The following CSMD1 variants were observed in gnomAD, a reference collection of about 807,000 sequenced individuals.
CSMD1 encodes CUB and Sushi multiple domains 1.
Under a neutral mutation model 417.5 loss-of-function variants are expected in CSMD1, and 213 were observed. That is an observed-to-expected ratio of 0.51 (90% CI 0.46 to 0.57). The LOEUF is 0.57. CSMD1 is among the 20% of genes least tolerant of loss of function. The pLI is 0.00. For missense variants in CSMD1, 6,923 were observed against 4,529.7 expected (o/e 1.53, Z -15.17); for synonymous variants, 2,862 against 1,736.8 (o/e 1.65, Z -16.11).
intron 3 of CSMD1, among the ~76,000 whole-genome samples, chr8:4,163,047 T>G (rs923876329): frequency 6.6e-6 from 1 of 152,216 alleles, no homozygotes; most frequent in Admixed American, 6.5e-5. Flanking sequence ...GTTCACTCTA[T>G]GTCTTTGCAT....
At chr8:3,258,062 C>A (rs1464983088) in intron 26 of CSMD1, among the ~76,000 whole-genome samples, 1 of 152,086 alleles carries the variant, frequency 6.6e-6, no homozygotes, top group African/African-American at 2.4e-5. Flanking sequence ...GACAGGGCCC[C>A]ATTCTCATAA....
At chr8:4,220,301 T>G (rs1433950218) in intron 3 of CSMD1, among the ~76,000 whole-genome samples, 1 of 152,176 alleles carries the variant, frequency 6.6e-6, no homozygotes, top group Non-Finnish European at 1.5e-5. Flanking sequence ...ACAAGGTTAT[T>G]TGACTGGAAA....
intron 5 of CSMD1, among the ~76,000 whole-genome samples, chr8:3,831,684 T>C (rs568926796): frequency 1.3e-5 from 2 of 152,172 alleles, no homozygotes; most frequent in Non-Finnish European, 2.9e-5. Flanking sequence ...CGGCAAAGGA[T>C]ATATGTTTGG....
intron 3 of CSMD1, among the ~76,000 whole-genome samples, chr8:4,201,540 C>CAAAAAAAAAAAAAAAAAA (rs1157479482): frequency 1.7e-5 from 1 of 59,030 alleles, no homozygotes; most frequent in Non-Finnish European, 2.8e-5. Flanking sequence ...TCTGTCTCCA[C>CAAAAAAAAAAAAAAAAAA]AAAAAAAAAA....
chr8:3,556,522 A>G lies in CSMD1; in HGVS notation c.1344+18423T>C, dbSNP rs1239727240. Among the ~76,000 whole-genome samples, 43 of 101,792 alleles carry G rather than the reference A, an allele frequency of 4.2e-4. 1 individual carries two copies. Among genetic ancestry groups the G allele is most frequent in the East Asian group, 3.6e-3 (13 of 3,586 alleles). The allele number at this position is 101,792 out of a possible 152,430, so 66.8% of individuals were successfully genotyped here. On this transcript the variant is annotated intron_variant, in intron 10 of 69. Transcript: ENST00000635120. ...ACAAACTTCTTTTTCACACGCACAC[A>G]CACACACACACACACACACACACAC...
chr8:4,486,230 CATATATATATATATACATACATATAT>C lies in CSMD1; in HGVS notation c.303-66191_303-66166del, dbSNP rs1563224212. 6.4e-3 allele frequency among the ~76,000 whole-genome samples: 105 copies of C among 16,452 alleles called. 2 individuals carry two copies. Among genetic ancestry groups the C allele is most frequent in the African/African-American group, 0.019 (100 of 5,320 alleles). 10.8% of individuals were successfully genotyped at this position (16,452 alleles called of 152,430 possible). A position where few individuals can be genotyped will look rare whatever the true frequency, so the allele number is the denominator to read the frequency against. ...ATATATATATATATATATATACATA[CATATATATATATATACATACATATAT>C]ATATATATATATATATATATACGCA... On this transcript the variant is annotated intron_variant, in intron 2 of 69. Coordinates refer to ENST00000635120, the MANE Select transcript of CSMD1 (RefSeq NM_033225.6).
intron 26 of CSMD1, among the ~76,000 whole-genome samples, chr8:3,282,219 T>C (rs919997077): frequency 1.3e-5 from 2 of 152,144 alleles, no homozygotes; most frequent in Non-Finnish European, 2.9e-5. Context: ...TATCGGCTGA[T>C]AATGATGGGT....
chr8:2,997,129 C>A (rs1023246688), intron 54 of CSMD1, among the ~76,000 whole-genome samples: 9 of 152,330 alleles, frequency 5.9e-5, no homozygotes, highest in Middle Eastern at 6.8e-3. Context: ...TGGGTTTCAT[C>A]AGTGTGTTGG....
At chr8:3,697,652 T>A (rs907904843) in intron 7 of CSMD1, among the ~76,000 whole-genome samples, 1 of 152,180 alleles carries the variant, frequency 6.6e-6, no homozygotes, top group African/African-American at 2.4e-5. Context: ...GCGCCAAACA[T>A]GAATCATTCA....
At chr8:4,010,653 T>G (rs550935033) in intron 4 of CSMD1, among the ~76,000 whole-genome samples, 1 of 152,164 alleles carries the variant, frequency 6.6e-6, no homozygotes, top group Non-Finnish European at 1.5e-5. Context: ...CATAATTTTT[T>G]GACTCATGGG....
At chr8:3,859,467 T>G (rs1236444226) in intron 5 of CSMD1, among the ~76,000 whole-genome samples, 1 of 152,194 alleles carries the variant, frequency 6.6e-6, no homozygotes, top group Non-Finnish European at 1.5e-5. Context: ...TGTGCTTGGT[T>G]TCTGGGAGGA....
intron 7 of CSMD1, among the ~76,000 whole-genome samples, chr8:3,621,014 G>C (rs181466829): frequency 6.6e-6 from 1 of 152,040 alleles, no homozygotes; most frequent in Non-Finnish European, 1.5e-5. Flanking sequence ...CAACATGACT[G>C]GTGCCCTTCT....
chr8:4,252,768 A>T (rs1173544568), intron 3 of CSMD1, among the ~76,000 whole-genome samples: 1 of 152,234 alleles, frequency 6.6e-6, no homozygotes, highest in Non-Finnish European at 1.5e-5. Flanking sequence ...AGTGGCAGAC[A>T]TACACCACTG....
chr8:4,250,122 C>G (rs189794031), intron 3 of CSMD1, among the ~76,000 whole-genome samples: 112 of 152,274 alleles, frequency 7.4e-4, no homozygotes, highest in African/African-American at 2.6e-3. Flanking sequence ...AGCCCCTGAT[C>G]AACTACCAGT....
chr8:4,382,545 A>G (rs1803169894), intron 3 of CSMD1, among the ~76,000 whole-genome samples: 1 of 152,230 alleles, frequency 6.6e-6, no homozygotes. Flanking sequence ...GGATTATAAA[A>G]AACCCTCTGA....
chr8:3,968,205 T>G (rs1432076557), intron 5 of CSMD1, among the ~76,000 whole-genome samples: 1 of 147,060 alleles, frequency 6.8e-6, no homozygotes, highest in African/African-American at 2.5e-5. Context: ...ATAATAATAA[T>G]AATAAATAAT....
intron 3 of CSMD1, among the ~76,000 whole-genome samples, chr8:4,159,179 G>C (rs1170938764): frequency 6.6e-6 from 1 of 152,082 alleles, no homozygotes; most frequent in Non-Finnish European, 1.5e-5. Context: ...GCCTCCCAAA[G>C]TGCTGGGATT....
intron 23 of CSMD1, among the ~76,000 whole-genome samples, chr8:3,309,689 ATGC>A (rs1805177302): frequency 6.6e-6 from 1 of 152,064 alleles, no homozygotes. Flanking sequence ...CAAACTTTGA[ATGC>A]TTTCTTTTCT....
intron 1 of CSMD1, among the ~76,000 whole-genome samples, chr8:4,921,004 AAAG>A (rs762321686): frequency 0.15 from 2,632 of 17,158 alleles, 460 homozygotes; most frequent in African/African-American, 0.22. Context: ...GAAAAGAAAG[AAAG>A]AAAGAAAAGA....
Sources: gnomAD v4.1 joint callset for allele counts (sites outside exome capture counted in the v4.1 genomes callset) on GRCh38, gnomAD v4.1.1 for gene constraint, MANE v1.5 for transcripts, NCBI Gene and HGNC (gene_info 2026-07-23, HGNC 2026-07-21) for gene names.